Variants in R3HDM1 observed in about 807,000 individuals in gnomAD.
The protein encoded by R3HDM1 is R3H domain containing 1.
R3HDM1 carries 46 observed loss-of-function variants against 141.1 expected under a neutral mutation model. The observed-to-expected ratio is 0.33, with a 90% CI of 0.26 to 0.42. The LOEUF (loss-of-function observed/expected upper bound fraction) is 0.42. R3HDM1 is among the 10% of genes least tolerant of loss of function. The pLI is 1.00. For missense variants in R3HDM1, 1,184 were observed against 1,368.3 expected, an observed-to-expected ratio of 0.87 and a Z score of 2.12; for synonymous variants, 435 against 472.9, an observed-to-expected ratio of 0.92 and a Z score of 1.04.
intron 1 of R3HDM1, among the ~76,000 whole-genome samples, chr2:135,571,823 A>G (rs1195032300): frequency 6.6e-6 from 1 of 152,096 alleles, no homozygotes; most frequent in Non-Finnish European, 1.5e-5. Flanking sequence ...ACGGGGTTTC[A>G]CCATGCTGCC....
Position 135,721,937 on chromosome 2 carries a change from T to C in R3HDM1, c.2895T>C (p.Tyr965=). The C allele has an allele frequency of 6.2e-7, 1 of 1,613,280 alleles. No individual in the cohort carries two copies. Among genetic ancestry groups the C allele is most frequent in the Non-Finnish European group, 8.5e-7 (1 of 1,179,310 alleles). The change falls in exon 25 of 27, where the codon TAT becomes TAC. Residue 965 remains tyrosine (Y), a synonymous_variant. Coordinates refer to ENST00000683871, the MANE Select transcript of R3HDM1 (RefSeq NM_001378107.1). ...PFVPGQGDSR[Y]PLLGQPLQYN... ...ATTGACTTTCAGGAGATTCCAGGTA[T>C]CCATTACTTGGCCAGCCACTGCAGT... is the stretch of plus-strand genomic sequence containing the variant.
intron 19 of R3HDM1, 33 bp downstream of exon 19, chr2:135,661,426 G>A: frequency 6.2e-7 from 1 of 1,607,582 alleles, no homozygotes; most frequent in Non-Finnish European, 8.5e-7. Flanking sequence ...TAACTTCTGA[G>A]CCACACTTTT....
intron 7 of R3HDM1, among the ~76,000 whole-genome samples, chr2:135,623,705 G>A (rs1348138427): frequency 6.6e-6 from 1 of 151,942 alleles, no homozygotes; most frequent in South Asian, 2.1e-4. Flanking sequence ...ATAAATTTAT[G>A]AGTCTATTGA....
intron 1 of R3HDM1, among the ~76,000 whole-genome samples, chr2:135,544,438 A>G (rs181746706): frequency 1.5e-4 from 23 of 150,832 alleles, no homozygotes; most frequent in Non-Finnish European, 3.0e-4. Context: ...TTATAGTGGT[A>G]TTTACAGTGA....
intron 1 of R3HDM1, among the ~76,000 whole-genome samples, chr2:135,587,809 A>G (rs987801362): frequency 2.6e-5 from 4 of 151,062 alleles, no homozygotes; most frequent in African/African-American, 7.3e-5. Context: ...GTGCGTCTCT[A>G]TCTTGCCCTC....
intron 1 of R3HDM1, among the ~76,000 whole-genome samples, chr2:135,541,864 AAAAAAAAG>A (rs1046281835): frequency 2.0e-5 from 3 of 150,366 alleles, no homozygotes; most frequent in Admixed American, 6.7e-5. Context: ...AAAAAAAAAA[AAAAAAAAG>A]AAAGAAAGAA....
intron 1 of R3HDM1, among the ~76,000 whole-genome samples, chr2:135,548,187 A>G (rs1393762000): frequency 6.6e-6 from 1 of 152,180 alleles, no homozygotes; most frequent in Non-Finnish European, 1.5e-5. Context: ...ATTGCTGTTA[A>G]GAGACCTGTT....
intron 7 of R3HDM1, among the ~76,000 whole-genome samples, chr2:135,624,436 T>G (rs1574456305): frequency 6.8e-6 from 1 of 148,136 alleles, no homozygotes; most frequent in Non-Finnish European, 1.5e-5. Context: ...AAGGTACTGG[T>G]GAGATATGAA....
chr2:135,597,589 T>C (rs557518051), intron 1 of R3HDM1, among the ~76,000 whole-genome samples: 2 of 152,332 alleles, frequency 1.3e-5, no homozygotes, highest in South Asian at 4.1e-4. Flanking sequence ...TGATTTTCTT[T>C]ATAGATGTGC....
chr2:135,699,071 TAGATTAGA>T (rs1289989376), intron 21 of R3HDM1, among the ~76,000 whole-genome samples: 1 of 95,308 alleles, frequency 1.0e-5, no homozygotes, highest in East Asian at 2.5e-4. Context: ...ATTGATTAGA[TAGATTAGA>T]TAGATAGATA....
chr2:135,595,973 C>G (rs1256993230), intron 1 of R3HDM1, among the ~76,000 whole-genome samples: 1 of 152,098 alleles, frequency 6.6e-6, no homozygotes, highest in Non-Finnish European at 1.5e-5. Context: ...CTTCCTGTTG[C>G]TCCTGGGATC....
At chr2:135,703,072 C>G (rs933345784) in intron 21 of R3HDM1, among the ~76,000 whole-genome samples, 1 of 152,184 alleles carries the variant, frequency 6.6e-6, no homozygotes, top group Non-Finnish European at 1.5e-5. Context: ...GCATCAGAGA[C>G]ATCTTTGTGG....
At chr2:135,716,719 C>A (rs12463480) in intron 24 of R3HDM1, among the ~76,000 whole-genome samples, 15,104 of 151,996 alleles carry the variant, frequency 0.099, 1,156 homozygotes, top group Middle Eastern at 0.35. Context: ...TTTGGGAGGC[C>A]CAGGCAGGTG....
chr2:135,567,617 A>G (rs550050291), intron 1 of R3HDM1, among the ~76,000 whole-genome samples: 17 of 152,330 alleles, frequency 1.1e-4, no homozygotes, highest in African/African-American at 3.4e-4. Flanking sequence ...TAAAATCTTT[A>G]ATTAAATATT....
chr2:135,662,487 C>T (rs1341617315), intron 19 of R3HDM1, among the ~76,000 whole-genome samples: 3 of 152,174 alleles, frequency 2.0e-5, no homozygotes, highest in Admixed American at 6.5e-5. Context: ...TAATCTGTTA[C>T]CCTTAGGAGT....
intron 1 of R3HDM1, among the ~76,000 whole-genome samples, chr2:135,544,089 G>A (rs990458137): frequency 6.6e-6 from 1 of 152,160 alleles, no homozygotes; most frequent in African/African-American, 2.4e-5. Context: ...TTGTAAGGAG[G>A]AAACAAGATA....
chr2:135,678,088 C>G (rs1003015805), intron 20 of R3HDM1, among the ~76,000 whole-genome samples: 1 of 152,072 alleles, frequency 6.6e-6, no homozygotes, highest in African/African-American at 2.4e-5. Flanking sequence ...CTTCAGCCTC[C>G]CTAGTAGCTG....
At chr2:135,685,544 G>C (rs554346004) in intron 21 of R3HDM1, among the ~76,000 whole-genome samples, 1 of 152,212 alleles carries the variant, frequency 6.6e-6, no homozygotes, top group African/African-American at 2.4e-5. Flanking sequence ...ATTTGTTTGT[G>C]TATTTCACCA....
At chr2:135,664,373 A>G (rs940739835) in intron 19 of R3HDM1, among the ~76,000 whole-genome samples, 2 of 152,186 alleles carry the variant, frequency 1.3e-5, no homozygotes, top group African/African-American at 4.8e-5. Flanking sequence ...TAATTACATA[A>G]AAGGGTGAAA....
Sources: gnomAD v4.1 joint callset for allele counts (sites outside exome capture counted in the v4.1 genomes callset) on GRCh38, gnomAD v4.1.1 for gene constraint, MANE v1.5 for transcripts, NCBI Gene and HGNC (gene_info 2026-07-23, HGNC 2026-07-21) for gene names.